CDON: variants seen among roughly 807,000 people sequenced by gnomAD.
The protein encoded by CDON is cell adhesion molecule-related/down-regulated by oncogenes.
Under a neutral mutation model 120.9 loss-of-function variants are expected in CDON, and 73 were observed. The observed-to-expected ratio is 0.60, with a 90% confidence interval of 0.50 to 0.73. CDON has a LOEUF of 0.73. Among genes scored for constraint, CDON ranks in the 30% least tolerant of loss-of-function variants. The pLI, the probability that CDON is intolerant of heterozygous loss-of-function variation, is 0.00. For missense variants in CDON, 1,470 were observed against 1,587.3 expected (o/e 0.93, Z 1.26); for synonymous variants, 566 against 573.5 (o/e 0.99, Z 0.19).
rs548054862 is a variant in CDON, at chr11:126,005,855, G to C, written c.1755C>G (p.Pro585=). The C allele has an allele frequency of 1.2e-6, 2 of 1,614,088 alleles. No homozygotes were observed. Among genetic ancestry groups the C allele is most frequent in the South Asian group, 2.2e-5 (2 of 91,074 alleles). Residue 585 remains proline, a synonymous_variant, in exon 9 of 20, where the codon CCC becomes CCG. Coordinates refer to ENST00000531738, the MANE Select transcript of CDON (RefSeq NM_001378964.1). ...ACGTGTCTGGTGTGTGGGTCTGTGGGGGGCTCAGTATGATGGGGGCATCAG... is the reference window on the plus strand; with the variant it reads ...ACGTGTCTGGTGTGTGGGTCTGTGGCGGGCTCAGTATGATGGGGGCATCAG... ...SVPDAPIILS[P]PQTHTPDTYN... is the part of the protein sequence containing the mutation.
intron 7 of CDON, 179 bp downstream of exon 7, chr11:126,015,062 A>C: frequency 1.5e-6 from 1 of 656,454 alleles, no homozygotes; most frequent in Non-Finnish European, 2.6e-6. Context: ...CTTGATTAAT[A>C]AGATTACTTC....
Position 126,036,944 on chromosome 11 carries a change from G to A in CDON, c.-61-13407C>T, listed in dbSNP as rs1331694927. ...CTCAATCGATCTGCCTGCCTCAGCC[G>A]CCCAAAGTGCTGGGATTACAGGCAT... On this transcript the variant is annotated intron_variant, in intron 1 of 19. Transcript: ENST00000531738. 3.9e-5 allele frequency among the ~76,000 whole-genome samples: 6 copies of A among 152,088 alleles called. No individual in the cohort carries two copies. The South Asian group carries it at 6.2e-4, about 16-fold the overall frequency.
rs146167044 is a variant in CDON, at chr11:125,992,038, G to C, written c.2650+2246C>G. ...ATTTCTAGAACATAGAACCAAGAAG[G>C]GTGATGATGATGAGAGAGAGAAAAA... On this transcript the variant is annotated intron_variant, in intron 14 of 19. Transcript: ENST00000531738. 4.4e-3 allele frequency among the ~76,000 whole-genome samples: 671 copies of C among 152,222 alleles called. 11 individuals carry two copies. The highest frequency in any genetic ancestry group is 0.016 in the African/African-American group (647 of 41,554).
intron 14 of CDON, among the ~76,000 whole-genome samples, chr11:125,990,024 C>A (rs1946588578): frequency 6.6e-6 from 1 of 152,142 alleles, no homozygotes; most frequent in Non-Finnish European, 1.5e-5. Flanking sequence ...ACTTGTTTCA[C>A]TAAAAATAAT....
intron 1 of CDON, among the ~76,000 whole-genome samples, chr11:126,037,971 G>T (rs1243557439): frequency 6.6e-6 from 1 of 152,054 alleles, no homozygotes; most frequent in Non-Finnish European, 1.5e-5. Context: ...AAAAATGACT[G>T]CACTAAGAGG....
chr11:126,060,042 T>C (rs1395253874), intron 1 of CDON, among the ~76,000 whole-genome samples: 1 of 151,986 alleles, frequency 6.6e-6, no homozygotes, highest in Non-Finnish European at 1.5e-5. Flanking sequence ...CAAAAAAGAA[T>C]CAAGTAAAGC....
Position 126,044,172 on chromosome 11 carries a change from A to G in CDON, c.-62+18407T>C, listed in dbSNP as rs762619796. On this transcript the variant is annotated intron_variant, in intron 1 of 19. Coordinates refer to ENST00000531738, the MANE Select transcript of CDON (RefSeq NM_001378964.1). ...GACCTTACACAAAGCAGGAACACAC[A>G]TACTGCACAGATCCCATGTTAATAT... is the stretch of plus-strand genomic sequence containing the variant. Among the ~76,000 whole-genome samples the G allele has an allele frequency of 7.9e-5, 12 of 152,350 alleles. 1 individual carries two copies. Among genetic ancestry groups the G allele is most frequent in the Admixed American group, 2.0e-4 (3 of 15,310 alleles).
Position 126,035,371 on chromosome 11 carries a change from C to T in CDON, c.-61-11834G>A, listed in dbSNP as rs1948067952. On this transcript the variant is annotated intron_variant, in intron 1 of 19. Coordinates refer to ENST00000531738, the MANE Select transcript of CDON (RefSeq NM_001378964.1). ...ATCTTACCGTCAAGTTACGAGTTTC[C>T]TAGAGACCTAGAACATATTAATACT... 3.9e-5 allele frequency among the ~76,000 whole-genome samples: 6 copies of T among 152,122 alleles called. No homozygotes were observed. The South Asian group carries it at 1.2e-3, about 32-fold the overall frequency.
At chr11:125,989,797 C>A in intron 14 of CDON, 38 bp from the exon 15 acceptor site, 1 of 1,591,098 alleles carries the variant, frequency 6.3e-7, no homozygotes. Context: ...CATCATACAG[C>A]CTAAATGATA....
intron 4 of CDON, 59 bp from the exon 5 acceptor site, chr11:126,018,532 A>G: frequency 1.4e-6 from 2 of 1,397,288 alleles, no homozygotes; most frequent in Admixed American, 1.7e-5. Flanking sequence ...CCACAGCACA[A>G]CTAAAACTCA....
At chr11:126,038,128 T>C (rs1948150621) in intron 1 of CDON, among the ~76,000 whole-genome samples, 1 of 152,002 alleles carries the variant, frequency 6.6e-6, no homozygotes, top group South Asian at 2.1e-4. Context: ...AAAAAAACAG[T>C]AGGAGACGTG....
chr11:126,038,066 A>G (rs1048885210), intron 1 of CDON, among the ~76,000 whole-genome samples: 1 of 152,220 alleles, frequency 6.6e-6, no homozygotes, highest in African/African-American at 2.4e-5. Context: ...GTTTGCAAGC[A>G]AAAAGACTGT....
chr11:126,017,457 T>C, intron 5 of CDON, 82 bp from the exon 6 acceptor site: 1 of 1,300,994 alleles, frequency 7.7e-7, no homozygotes, highest in Non-Finnish European at 1.1e-6. Context: ...GGCATCACCA[T>C]TTTCCCATGT....
rs1204466856 is a variant in CDON at position 125,958,613 on chromosome 11, A to G, written c.*2329T>C. On this transcript the variant is annotated 3_prime_UTR_variant, in exon 20 of 20. Transcript: ENST00000531738. ...TGTGTTTATATATATATATTTATAT[A>G]TTTCAATATATAAAGGCATTTTTTA... 6.7e-6 allele frequency: 1 copy of G among 148,798 alleles called. No individual in the cohort carries two copies. 9.2% of individuals were successfully genotyped at this position (148,798 alleles called of 1,614,324 possible). A position where few individuals can be genotyped will look rare whatever the true frequency, so the allele number is the denominator to read the frequency against.
At chr11:126,006,120 T>A (rs1397931867) in intron 8 of CDON, 63 bp from the exon 9 acceptor site, 1 of 1,508,626 alleles carries the variant, frequency 6.6e-7, no homozygotes, top group African/African-American at 1.4e-5. Flanking sequence ...TTCTACCCAG[T>A]TTGTGACGTG....
At chr11:125,995,428 G>T (rs1269802038) in intron 12 of CDON, among the ~76,000 whole-genome samples, 1 of 152,164 alleles carries the variant, frequency 6.6e-6, no homozygotes, top group African/African-American at 2.4e-5. Context: ...TGAACTATCT[G>T]TCCCCAAAAC....
intron 18 of CDON, among the ~76,000 whole-genome samples, chr11:125,972,228 C>A (rs529054818): frequency 2.8e-5 from 4 of 145,090 alleles, no homozygotes; most frequent in African/African-American, 9.8e-5. Context: ...GAGTGCGAGA[C>A]CAGCCTAGCC....
chr11:126,007,573 AG>A (rs1263444619), intron 8 of CDON, among the ~76,000 whole-genome samples: 1 of 152,174 alleles, frequency 6.6e-6, no homozygotes, highest in Admixed American at 6.5e-5. Context: ...TTAGAAGTTT[AG>A]TGGATCCTCC....
rs61446837 is a variant in CDON at position 125,981,970 on chromosome 11, CTTTTTTTTTTTTT to C, written c.2996-654_2996-642del. 2.8e-4 allele frequency among the ~76,000 whole-genome samples: 15 copies of C among 54,302 alleles called. 1 individual carries two copies. In the South Asian group the frequency reaches 0.01, roughly 37 times the overall value. The allele number at this position is 54,302 out of a possible 152,430, so 35.6% of individuals were successfully genotyped here. A position where few individuals can be genotyped will look rare whatever the true frequency, so the allele number is the denominator to read the frequency against. ...CAAAGGCAAAAAGTGATTCTATTTT[CTTTTTTTTTTTTT>C]TTTTTTTTTTTTTTTTTGAGATGGA... On this transcript the variant is annotated intron_variant, in intron 16 of 19. Coordinates refer to ENST00000531738, the MANE Select transcript of CDON (RefSeq NM_001378964.1).
Sources: allele counts gnomAD v4.1 joint callset (sites outside exome capture counted in the v4.1 genomes callset), GRCh38; gene constraint gnomAD v4.1.1; transcripts MANE v1.5; gene names NCBI Gene and HGNC (gene_info 2026-07-23, HGNC 2026-07-21).